The following MCM9 variants were observed in gnomAD, a reference collection of about 807,000 sequenced individuals.
The protein encoded by MCM9 is minichromosome maintenance 9 homologous recombination repair factor, also known as DNA helicase MCM9.
A neutral mutation model predicts 72.8 loss-of-function variants in MCM9; 55 were observed. The observed-to-expected ratio is 0.76, with a 90% CI of 0.61 to 0.95. The LOEUF (loss-of-function observed/expected upper bound fraction) is 0.95. MCM9 is among the 40% of genes least tolerant of loss of function. The pLI is 0.00. For synonymous variants in MCM9, 480 were observed against 503.4 expected, an observed-to-expected ratio of 0.95 and a Z score of 0.62; for missense variants, 1,279 against 1,377.0, an observed-to-expected ratio of 0.93 and a Z score of 1.13.
At chr6:118,922,282 T>C (rs934480589) in intron 4 of MCM9, among the ~76,000 whole-genome samples, 196 bp from the exon 5 acceptor site, 7 of 152,204 alleles carry the variant, frequency 4.6e-5, no homozygotes, top group Non-Finnish European at 1.0e-4. Context: ...AATACACATA[T>C]GGAAAATATC....
At position 118,903,030 on chromosome 6, in the gene MCM9, C is replaced by T. The variant is rs1779909581; in HGVS notation, c.1150+8620G>A. ...CTAAATTATTTGAAAGGCCTGTAAG[C>T]TTCTCTACTTAAATTTGCTCAAACT... is the stretch of plus-strand genomic sequence containing the variant. On this transcript the variant is annotated intron_variant, in intron 8 of 13. Transcript: ENST00000619706. 2.0e-5 allele frequency among the ~76,000 whole-genome samples: 3 copies of T among 152,180 alleles called. No individual in the cohort carries two copies. In the South Asian group the frequency reaches 6.2e-4, roughly 31 times the overall value.
chr6:118,850,905 G>C (rs1776176234), intron 9 of MCM9, among the ~76,000 whole-genome samples: 1 of 151,802 alleles, frequency 6.6e-6, no homozygotes, highest in South Asian at 2.1e-4. Flanking sequence ...GCTCATTGCA[G>C]CCTTGACCTC....
chr6:118,858,370 A>G lies in MCM9; in HGVS notation c.1151-1825T>C, dbSNP rs1776697181. 4.0e-5 allele frequency among the ~76,000 whole-genome samples: 6 copies of G among 151,360 alleles called. No homozygotes were observed. The South Asian group carries it at 1.3e-3, about 32-fold the overall frequency. On this transcript the variant is annotated intron_variant, in intron 8 of 13. Transcript: ENST00000619706. ...CGGAAGAGAACTTCTTCAACTTGAT[A>G]AAGGGTATTTACAATAATCCTATAT... is the stretch of plus-strand genomic sequence containing the variant.
chr6:118,896,342 C>T (rs535418261), intron 8 of MCM9, among the ~76,000 whole-genome samples: 1 of 152,196 alleles, frequency 6.6e-6, no homozygotes, highest in Non-Finnish European at 1.5e-5. Context: ...TTATACCACA[C>T]TGTTTTTCAG....
chr6:118,870,285 A>G (rs912255022), intron 8 of MCM9, among the ~76,000 whole-genome samples: 3 of 152,174 alleles, frequency 2.0e-5, no homozygotes, highest in East Asian at 1.9e-4. Context: ...AGACAACTGA[A>G]TTCATATCAA....
At chr6:118,901,152 CAG>C (rs1300947469) in intron 8 of MCM9, 6 of 250,196 alleles carry the variant, frequency 2.4e-5, no homozygotes, top group Non-Finnish European at 4.6e-5. Flanking sequence ...TCATGGCACA[CAG>C]GGTGGTGAAT....
At chr6:118,892,131 G>A (rs954924755) in intron 8 of MCM9, among the ~76,000 whole-genome samples, 17 of 151,934 alleles carry the variant, frequency 1.1e-4, no homozygotes, top group African/African-American at 4.1e-4. Flanking sequence ...GAGTAAGGTA[G>A]TATCAATGGT....
intron 8 of MCM9, among the ~76,000 whole-genome samples, chr6:118,882,079 C>A (rs1778323646): frequency 6.6e-6 from 1 of 152,166 alleles, no homozygotes; most frequent in African/African-American, 2.4e-5. Flanking sequence ...CCTTCCTCCA[C>A]CCAATCCCAA....
intron 11 of MCM9, among the ~76,000 whole-genome samples, chr6:118,827,459 T>C (rs1419879691): frequency 3.9e-5 from 6 of 152,204 alleles, no homozygotes; most frequent in African/African-American, 1.4e-4. Flanking sequence ...TTAAGATACA[T>C]GTTAGCTATA....
chr6:118,823,164 C>A (rs1394239481), intron 13 of MCM9, among the ~76,000 whole-genome samples: 1 of 152,098 alleles, frequency 6.6e-6, no homozygotes, highest in Non-Finnish European at 1.5e-5. Flanking sequence ...TGAAAAAAAA[C>A]TCCTGAAGCT....
chr6:118,878,810 A>C (rs1778099718), intron 8 of MCM9, among the ~76,000 whole-genome samples: 1 of 152,170 alleles, frequency 6.6e-6, no homozygotes, highest in African/African-American at 2.4e-5. Flanking sequence ...TAATCCCAGC[A>C]CTTTGGGAGG....
At chr6:118,817,213 T>C (rs567514257) in intron 13 of MCM9, among the ~76,000 whole-genome samples, 11 of 152,222 alleles carry the variant, frequency 7.2e-5, no homozygotes, top group South Asian at 6.2e-4. Flanking sequence ...GGTGGTTTGC[T>C]GCACCTATCA....
rs1364173567 is a variant in MCM9, at chr6:118,828,115, G to C, written c.1544C>G (p.Ser515Ter). 2.6e-6 allele frequency: 4 copies of C among 1,550,214 alleles called. No individual in the cohort carries two copies. Among genetic ancestry groups the C allele is most frequent in the Non-Finnish European group, 3.5e-6 (4 of 1,146,930 alleles). The change falls in exon 11 of 14, where the codon TCA becomes TGA. Residue 515 changes from serine (S) to a stop codon, truncating the protein, a stop_gained. Coordinates refer to ENST00000619706, the MANE Select transcript of MCM9 (RefSeq NM_017696.3). LOFTEE classifies it high-confidence loss of function. ...CTTTTCCATGCTCCAGAGCTTCTCT[G>C]ATTTGCTTGGGTAACCTGTATGTAT... is the stretch of plus-strand genomic sequence containing the variant. ...ILENKGYPSK[S>*]EKLWSMEKMK...
rs375999233 is a variant in MCM9, at chr6:118,894,707, C to G, written c.1150+16943G>C. ...GCGCGCGCGGCTTTCCGCCGCAGCC[C>G]AGGCGCCTGCCGGGCTCAACTTGCG... On this transcript the variant is annotated intron_variant, in intron 8 of 13. Coordinates refer to ENST00000619706, the MANE Select transcript of MCM9 (RefSeq NM_017696.3). 2.0e-5 allele frequency among the ~76,000 whole-genome samples: 3 copies of G among 152,222 alleles called. No individual in the cohort carries two copies. The East Asian group carries it at 5.8e-4, about 29-fold the overall frequency.
intron 8 of MCM9, among the ~76,000 whole-genome samples, chr6:118,904,530 C>T (rs190371722): frequency 6.6e-6 from 1 of 152,342 alleles, no homozygotes; most frequent in African/African-American, 2.4e-5. Context: ...AGTCTGGCTC[C>T]TTCCATCCGG....
intron 9 of MCM9, among the ~76,000 whole-genome samples, chr6:118,832,605 C>T (rs575539776): frequency 4.6e-5 from 7 of 152,196 alleles, no homozygotes; most frequent in Non-Finnish European, 1.0e-4. Context: ...TAAAGACATT[C>T]CAATTTCTGA....
intron 12 of MCM9, 41 bp from the exon 13 acceptor site, chr6:118,826,333 C>T: frequency 6.5e-7 from 1 of 1,535,674 alleles, no homozygotes; most frequent in Non-Finnish European, 8.8e-7. Flanking sequence ...ACCAGGCCAG[C>T]CTGCATAGCG....
intron 6 of MCM9, among the ~76,000 whole-genome samples, chr6:118,913,803 A>G (rs901934630): frequency 6.6e-6 from 1 of 151,958 alleles, no homozygotes; most frequent in African/African-American, 2.4e-5. Context: ...TGGTCTCACT[A>G]TGTTGCCCAG....
At chr6:118,932,079 C>A (rs1782484547) in intron 2 of MCM9, among the ~76,000 whole-genome samples, 1 of 152,190 alleles carries the variant, frequency 6.6e-6, no homozygotes, top group African/African-American at 2.4e-5. Flanking sequence ...CCGGACTGCA[C>A]TTATAATAGT....
Sources: allele counts gnomAD v4.1 joint callset (sites outside exome capture counted in the v4.1 genomes callset), GRCh38; gene constraint gnomAD v4.1.1; transcripts MANE v1.5; gene names NCBI Gene and HGNC (gene_info 2026-07-23, HGNC 2026-07-21).